The following GALNTL6 variants were observed in gnomAD, a reference collection of about 807,000 sequenced individuals.
GALNTL6 encodes polypeptide N-acetylgalactosaminyltransferase like 6, also known as polypeptide N-acetylgalactosaminyltransferase-like 6.
A neutral mutation model predicts 73.7 loss-of-function variants in GALNTL6; 46 were observed. The observed-to-expected ratio is 0.62, with a 90% confidence interval of 0.49 to 0.80. The LOEUF is 0.80. Among genes scored for constraint, GALNTL6 ranks in the 30% least tolerant of loss-of-function variants. The pLI, the probability that GALNTL6 is intolerant of heterozygous loss-of-function variation, is 0.00. For synonymous variants in GALNTL6, 259 were observed against 263.7 expected (o/e 0.98, Z 0.17); for missense variants, 604 against 755.0 (o/e 0.80, Z 2.34).
rs982708529 is a variant in GALNTL6, at chr4:171,835,311, T to C, written c.138+20593T>C. Among the ~76,000 whole-genome samples, 30 of 152,030 alleles carry C rather than the reference T, an allele frequency of 2.0e-4. 1 individual carries two copies. Among genetic ancestry groups the C allele is most frequent in the African/African-American group, 2.4e-5 (1 of 41,422 alleles). ...GGCTTTGTGTGTCTGTGTATGTATA[T>C]GTGTCTCCGTGTATCTGTGTGTGTC... On this transcript the variant is annotated intron_variant, in intron 2 of 12. Coordinates refer to ENST00000506823, the MANE Select transcript of GALNTL6 (RefSeq NM_001034845.3).
At chr4:172,585,366 C>T (rs559406042) in intron 5 of GALNTL6, among the ~76,000 whole-genome samples, 40 of 152,142 alleles carry the variant, frequency 2.6e-4, no homozygotes, top group East Asian at 1.4e-3. Flanking sequence ...TTTTATGCCC[C>T]GCATGCATTA....
chr4:173,031,267 T>A (rs769444096), intron 12 of GALNTL6, among the ~76,000 whole-genome samples: 41 of 152,342 alleles, frequency 2.7e-4, no homozygotes, highest in Admixed American at 5.2e-4. Context: ...AGAGTTCAAT[T>A]GATGTTAGCC....
intron 2 of GALNTL6, among the ~76,000 whole-genome samples, chr4:172,168,544 AGATGGT>A (rs1324022413): frequency 8.5e-5 from 13 of 152,060 alleles, no homozygotes; most frequent in African/African-American, 2.7e-4. Flanking sequence ...ATGTTGATCA[AGATGGT>A]GATGGTGATG....
At chr4:172,559,058 ATTTTTTTTTTTTT>A (rs71592081) in intron 5 of GALNTL6, among the ~76,000 whole-genome samples, 1 of 77,380 alleles carries the variant, frequency 1.3e-5, no homozygotes, top group Admixed American at 2.2e-4. Flanking sequence ...ATGATAATGG[ATTTTTTTTTTTTT>A]TTTTTTTTTT....
At chr4:172,278,026 G>A (rs1197432240) in intron 3 of GALNTL6, among the ~76,000 whole-genome samples, 3 of 152,168 alleles carry the variant, frequency 2.0e-5, no homozygotes, top group Middle Eastern at 3.4e-3. Flanking sequence ...CTTTACTGCT[G>A]CTGCAATTTC....
At chr4:171,915,939 G>A (rs1019896673) in intron 2 of GALNTL6, among the ~76,000 whole-genome samples, 11 of 152,152 alleles carry the variant, frequency 7.2e-5, no homozygotes, top group Admixed American at 5.9e-4. Context: ...GAATAAAATA[G>A]TGAATTGTAG....
chr4:172,253,722 A>T (rs948448119), intron 3 of GALNTL6, among the ~76,000 whole-genome samples: 8 of 151,958 alleles, frequency 5.3e-5, no homozygotes, highest in Non-Finnish European at 1.2e-4. Context: ...CTCCAAGAGT[A>T]TAATATAATC....
intron 5 of GALNTL6, among the ~76,000 whole-genome samples, chr4:172,626,052 G>A (rs930046379): frequency 2.0e-5 from 3 of 152,030 alleles, no homozygotes; most frequent in African/African-American, 4.8e-5. Flanking sequence ...TTTAGTTTTT[G>A]TTGGAATTGC....
At chr4:171,819,868 A>G (rs1015217626) in intron 2 of GALNTL6, among the ~76,000 whole-genome samples, 62 of 152,238 alleles carry the variant, frequency 4.1e-4, no homozygotes, top group African/African-American at 1.3e-3. Flanking sequence ...AAACCATCTA[A>G]GGAGACCATG....
chr4:172,206,942 C>G (rs899344631), intron 2 of GALNTL6, among the ~76,000 whole-genome samples: 1 of 150,902 alleles, frequency 6.6e-6, no homozygotes. Flanking sequence ...CTCAGCCTCC[C>G]GAGTAGCTGG....
At chr4:172,605,501 C>T (rs915819463) in intron 5 of GALNTL6, among the ~76,000 whole-genome samples, 1 of 151,900 alleles carries the variant, frequency 6.6e-6, no homozygotes, top group African/African-American at 2.4e-5. Flanking sequence ...AAGATAACAA[C>T]AAAATGATAT....
At chr4:171,936,018 A>G (rs116806526) in intron 2 of GALNTL6, among the ~76,000 whole-genome samples, 567 of 152,314 alleles carry the variant, frequency 3.7e-3, no homozygotes, top group Middle Eastern at 6.8e-3. Context: ...GAAAATATCT[A>G]TCTGTGGATA....
At chr4:172,562,321 C>T (rs1047030999) in intron 5 of GALNTL6, among the ~76,000 whole-genome samples, 2 of 152,152 alleles carry the variant, frequency 1.3e-5, no homozygotes, top group Admixed American at 6.5e-5. Context: ...ACAGAAGAAG[C>T]CATTACCATT....
At chr4:171,976,732 A>T (rs763655108) in intron 2 of GALNTL6, among the ~76,000 whole-genome samples, 4 of 152,202 alleles carry the variant, frequency 2.6e-5, no homozygotes, top group Non-Finnish European at 5.9e-5. Context: ...TTTAGGAAAG[A>T]CTTAGACATC....
chr4:173,021,003 G>A (rs1437660264), intron 11 of GALNTL6, among the ~76,000 whole-genome samples: 6 of 152,172 alleles, frequency 3.9e-5, no homozygotes, highest in African/African-American at 7.2e-5. Context: ...AACCTGGGAG[G>A]TGGAGGATGC....
intron 10 of GALNTL6, among the ~76,000 whole-genome samples, chr4:172,985,333 T>C (rs895912708): frequency 1.3e-5 from 2 of 151,826 alleles, no homozygotes; most frequent in Non-Finnish European, 2.9e-5. Flanking sequence ...TTAATTGCAA[T>C]AATAATAATA....
chr4:172,939,470 A>G (rs541517583), intron 9 of GALNTL6, among the ~76,000 whole-genome samples: 3 of 152,356 alleles, frequency 2.0e-5, no homozygotes, highest in African/African-American at 7.2e-5. Flanking sequence ...ATCATTAAAT[A>G]CTATGAGTTC....
chr4:172,228,003 G>A (rs1486770583), intron 2 of GALNTL6, among the ~76,000 whole-genome samples: 3 of 152,078 alleles, frequency 2.0e-5, no homozygotes, highest in Admixed American at 6.5e-5. Context: ...TTTCATTAGT[G>A]TTCAGTACTT....
At chr4:172,290,397 A>G (rs1739423856) in intron 3 of GALNTL6, among the ~76,000 whole-genome samples, 1 of 152,144 alleles carries the variant, frequency 6.6e-6, no homozygotes, top group Non-Finnish European at 1.5e-5. Flanking sequence ...TTGTACTTAA[A>G]TCTAGTTTAT....
Sources: allele counts gnomAD v4.1 joint callset (sites outside exome capture counted in the v4.1 genomes callset), GRCh38; gene constraint gnomAD v4.1.1; transcripts MANE v1.5; gene names NCBI Gene and HGNC (gene_info 2026-07-23, HGNC 2026-07-21).